GRIA1: variants seen among roughly 807,000 people sequenced by gnomAD.
The protein encoded by GRIA1 is glutamate ionotropic receptor AMPA type subunit 1.
Under a neutral mutation model 99.2 loss-of-function variants are expected in GRIA1, and 31 were observed. That is an observed-to-expected ratio of 0.31 (90% CI 0.23 to 0.42). The LOEUF is 0.42. GRIA1 is among the 10% of genes least tolerant of loss of function. The probability of loss-of-function intolerance (pLI) is 1.00; values close to 1 mark genes in which losing one functional copy is unlikely to be tolerated. For missense variants in GRIA1, 782 were observed against 1,157.5 expected, an observed-to-expected ratio of 0.68 and a Z score of 4.71; for synonymous variants, 438 against 432.4, an observed-to-expected ratio of 1.01 and a Z score of -0.16.
At chr5:153,591,316 C>T (rs990105831) in intron 2 of GRIA1, among the ~76,000 whole-genome samples, 5 of 152,122 alleles carry the variant, frequency 3.3e-5, no homozygotes, top group Admixed American at 6.5e-5. Flanking sequence ...ACCATTCCAA[C>T]GATATTCATC....
chr5:153,597,018 T>C (rs982330044), intron 2 of GRIA1, among the ~76,000 whole-genome samples: 4 of 152,154 alleles, frequency 2.6e-5, no homozygotes, highest in Non-Finnish European at 4.4e-5. Flanking sequence ...TTCTGCACAC[T>C]TGGCTGTCTG....
intron 2 of GRIA1, among the ~76,000 whole-genome samples, chr5:153,617,689 G>A (rs1294474348): frequency 6.6e-6 from 1 of 152,148 alleles, no homozygotes; most frequent in East Asian, 1.9e-4. Flanking sequence ...ACCAACTGAA[G>A]CATACTTTAG....
chr5:153,589,649 T>A (rs1763791177), intron 2 of GRIA1, among the ~76,000 whole-genome samples: 1 of 152,234 alleles, frequency 6.6e-6, no homozygotes, highest in Non-Finnish European at 1.5e-5. Context: ...CTTGAAATGA[T>A]CATTTCATTA....
rs923767414 is a variant in GRIA1, at chr5:153,529,367, C to G, written c.220+35302C>G. Among the ~76,000 whole-genome samples the G allele has an allele frequency of 3.9e-5, 6 of 152,296 alleles. No individual in the cohort carries two copies. In the South Asian group the frequency reaches 1.2e-3, roughly 32 times the overall value. On this transcript the variant is annotated intron_variant, in intron 2 of 15. Coordinates refer to ENST00000285900, the MANE Select transcript of GRIA1 (RefSeq NM_000827.4). ...GGTTCCTCCTTAAGGGACTCAGGTT[C>G]ACATCTTTGGCCCAGAACACACTGT...
At chr5:153,733,214 G>A (rs775414471) in intron 11 of GRIA1, among the ~76,000 whole-genome samples, 59 of 151,914 alleles carry the variant, frequency 3.9e-4, no homozygotes, top group Non-Finnish European at 7.5e-4. Flanking sequence ...GAAGAGGCAA[G>A]TAAAAATGTA....
At chr5:153,494,302 A>T in intron 2 of GRIA1, 1 of 514,754 alleles carries the variant, frequency 1.9e-6, no homozygotes, top group Non-Finnish European at 3.5e-6. Flanking sequence ...CTTTAATGCC[A>T]GCACGATGGG....
intron 2 of GRIA1, among the ~76,000 whole-genome samples, chr5:153,508,490 G>A (rs1054869101): frequency 6.6e-6 from 1 of 152,138 alleles, no homozygotes; most frequent in Non-Finnish European, 1.5e-5. Flanking sequence ...AAATGAGAGT[G>A]AGTGTATATT....
At chr5:153,495,207 A>C (rs1335025941) in intron 2 of GRIA1, among the ~76,000 whole-genome samples, 1 of 152,238 alleles carries the variant, frequency 6.6e-6, no homozygotes, top group Non-Finnish European at 1.5e-5. Flanking sequence ...AACTATGATA[A>C]ATACTTTATA....
At chr5:153,498,396 A>G (rs1256311672) in intron 2 of GRIA1, among the ~76,000 whole-genome samples, 1 of 152,226 alleles carries the variant, frequency 6.6e-6, no homozygotes, top group African/African-American at 2.4e-5. Flanking sequence ...ATGTATATCT[A>G]TAGTTTAGTG....
intron 3 of GRIA1, among the ~76,000 whole-genome samples, chr5:153,648,561 T>G (rs1473042476): frequency 6.6e-6 from 1 of 152,148 alleles, no homozygotes; most frequent in East Asian, 1.9e-4. Context: ...GTATCTACCT[T>G]GAAAGATTAA....
At chr5:153,766,580 G>A (rs774504062) in intron 12 of GRIA1, among the ~76,000 whole-genome samples, 53 of 152,304 alleles carry the variant, frequency 3.5e-4, no homozygotes, top group Admixed American at 1.5e-3. Context: ...TTTGATGCAA[G>A]TGTCAGGGGT....
chr5:153,520,089 G>T (rs111926371), intron 2 of GRIA1, among the ~76,000 whole-genome samples: 1 of 152,096 alleles, frequency 6.6e-6, no homozygotes, highest in Admixed American at 6.5e-5. Context: ...CAGGCTCTTT[G>T]CTAGATATGT....
intron 2 of GRIA1, among the ~76,000 whole-genome samples, chr5:153,615,434 G>A (rs922243002): frequency 2.4e-4 from 36 of 152,186 alleles, no homozygotes; most frequent in African/African-American, 8.7e-4. Flanking sequence ...TTGAGACCAG[G>A]AGTATGAGAC....
intron 15 of GRIA1, among the ~76,000 whole-genome samples, chr5:153,803,305 C>T (rs191206281): frequency 6.6e-6 from 1 of 152,258 alleles, no homozygotes; most frequent in Non-Finnish European, 1.5e-5. Flanking sequence ...TGGATTCAAG[C>T]ATCAAAAGGC....
intron 2 of GRIA1, among the ~76,000 whole-genome samples, chr5:153,532,256 G>A (rs182351634): frequency 1.3e-5 from 2 of 152,180 alleles, no homozygotes; most frequent in Admixed American, 6.5e-5. Context: ...TCTTTCTCCC[G>A]TCATGTAGTA....
intron 7 of GRIA1, among the ~76,000 whole-genome samples, chr5:153,684,246 CA>C (rs33936096): frequency 0.094 from 14,254 of 152,166 alleles, 795 homozygotes; most frequent in African/African-American, 0.15. Context: ...GTGTCATAAA[CA>C]TGAAGTTTTT....
intron 2 of GRIA1, among the ~76,000 whole-genome samples, chr5:153,499,613 C>CAAAAAAAAAAAAAAAAA (rs70976100): frequency 2.4e-5 from 1 of 42,126 alleles, no homozygotes; most frequent in African/African-American, 9.3e-5. Context: ...GAATTTGTCT[C>CAAAAAAAAAAAAAAAAA]AAAAAAAAAA....
At chr5:153,649,489 C>T (rs1180197508) in intron 3 of GRIA1, among the ~76,000 whole-genome samples, 3 of 151,198 alleles carry the variant, frequency 2.0e-5, no homozygotes, top group Non-Finnish European at 2.9e-5. Context: ...CAGAGTTTCA[C>T]TCTTGTCACC....
At chr5:153,684,083 G>T (rs1320697643) in intron 7 of GRIA1, among the ~76,000 whole-genome samples, 1 of 152,136 alleles carries the variant, frequency 6.6e-6, no homozygotes, top group Non-Finnish European at 1.5e-5. Context: ...CCAGATTTTA[G>T]ACCTGCCTCT....
Sources: allele counts gnomAD v4.1 joint callset (sites outside exome capture counted in the v4.1 genomes callset), GRCh38; gene constraint gnomAD v4.1.1; transcripts MANE v1.5; gene names NCBI Gene and HGNC (gene_info 2026-07-23, HGNC 2026-07-21).